The following BOK variants were observed in gnomAD, a reference collection of about 807,000 sequenced individuals.
The protein encoded by BOK is BCL2 family apoptosis regulator BOK.
A neutral mutation model predicts 18.3 loss-of-function variants in BOK; 20 were observed. The observed-to-expected ratio is 1.09, with a 90% confidence interval of 0.77 to 1.59. The LOEUF is 1.59. BOK is among the 40% of genes most tolerant of loss of function. BOK has a pLI of 0.00. For synonymous variants in BOK, 173 were observed against 142.4 expected, an observed-to-expected ratio of 1.21 and a Z score of -1.53; for missense variants, 348 against 307.9, an observed-to-expected ratio of 1.13 and a Z score of -0.97.
At chr2:241,565,908 T>A (rs1349265606) in intron 3 of BOK, among the ~76,000 whole-genome samples, 1 of 152,202 alleles carries the variant, frequency 6.6e-6, no homozygotes, top group East Asian at 1.9e-4. Flanking sequence ...TAGTGTTTAT[T>A]TTTTTCTTTG....
upstream of BOK, among the ~76,000 whole-genome samples, chr2:241,556,918 T>C (rs1238567677): frequency 3.3e-5 from 5 of 152,210 alleles, no homozygotes; most frequent in African/African-American, 1.2e-4. Context: ...TGCATTTAAT[T>C]GGTGTAGGAC....
In BOK at chr2:241,562,676, G is replaced by A. The variant is rs577339779; in HGVS notation, c.349+200G>A. On this transcript the variant is annotated intron_variant, in intron 3 of 4. Transcript: ENST00000318407. This position sits in a 1 kb window ranked among gnomAD's most constrained non-coding sequence, Gnocchi z 4.5. ...AACCACAGCATTCAGGGTCTCTTGT[G>A]GTTCTGCAGGCTGGTGGGCATGCTG... Among the ~76,000 whole-genome samples, 10 of 152,344 alleles carry A rather than the reference G, an allele frequency of 6.6e-5. No homozygotes were observed. The highest frequency in any genetic ancestry group is 4.6e-4 in the Admixed American group (7 of 15,306).
upstream of BOK, among the ~76,000 whole-genome samples, chr2:241,555,706 T>C (rs896365565): frequency 2.6e-5 from 4 of 152,214 alleles, no homozygotes; most frequent in Admixed American, 2.6e-4. Context: ...TCCTTACTGC[T>C]AGCAATGTTC....
rs139305538 is a variant in BOK, at chr2:241,565,701, G to A, written c.349+3225G>A. Among the ~76,000 whole-genome samples, 183 of 152,228 alleles carry A rather than the reference G, an allele frequency of 1.2e-3. 2 individuals carry two copies. Among genetic ancestry groups the A allele is most frequent in the African/African-American group, 3.8e-3 (157 of 41,546 alleles). On this transcript the variant is annotated intron_variant, in intron 3 of 4. Coordinates refer to ENST00000318407, the MANE Select transcript of BOK (RefSeq NM_032515.5). ...GGGGCCTTGGCTAGTGTTGTGAGCC[G>A]TGTGAGGGCTGCAGGGCAGGGCTCC...
chr2:241,556,415 T>G (rs1559197631), upstream of BOK, among the ~76,000 whole-genome samples: 1 of 152,086 alleles, frequency 6.6e-6, no homozygotes, highest in Non-Finnish European at 1.5e-5. Flanking sequence ...AAACCCCCTC[T>G]CTACCAAAAA....
rs2066477071 is a variant in BOK, at chr2:241,558,808, G to A, written c.-215G>A. 1 of 152,148 alleles carries A rather than the reference G, an allele frequency of 6.6e-6. No individual in the cohort carries two copies. Among genetic ancestry groups the A allele is most frequent in the African/African-American group, 2.4e-5 (1 of 41,420 alleles). 9.4% of individuals were successfully genotyped at this position (152,148 alleles called of 1,614,324 possible). ...GCCCAGGCCCCCGACGCCGCGGCAG[G>A]AGCCCCCCAAGAGCGCGGGAAGCCC... On this transcript the variant is annotated 5_prime_UTR_variant, in exon 1 of 5. Coordinates refer to ENST00000318407, the MANE Select transcript of BOK (RefSeq NM_032515.5).
At position 241,559,568 on chromosome 2, in the gene BOK, G is replaced by T. The variant is rs867525295; in HGVS notation, c.85G>T (p.Ala29Ser). 6.5e-7 allele frequency: 1 copy of T among 1,527,066 alleles called. No individual in the cohort carries two copies. The highest frequency in any genetic ancestry group is 8.7e-7 in the Non-Finnish European group (1 of 1,146,480). The allele number at this position is 1,527,066 out of a possible 1,614,324, so 94.6% of individuals were successfully genotyped here. The change falls in exon 2 of 5, where the codon GCC (alanine) becomes TCC (serine). Residue 29 changes from alanine (A) to serine (S), a missense_variant. Ala to Ser is a moderately conservative substitution (Grantham distance 99). Coordinates refer to ENST00000318407, the MANE Select transcript of BOK (RefSeq NM_032515.5). ...DRSPTDKELV[A>S]QAKALGREYV... ...CTCGCCCACAGACAAGGAGCTGGTG[G>T]CCCAGGCCAAGGCGCTGGGCCGGGA... is the stretch of plus-strand genomic sequence containing the variant.
At chr2:241,553,846 C>G (rs947470060), upstream of BOK, among the ~76,000 whole-genome samples, 3 of 152,186 alleles carry the variant, frequency 2.0e-5, no homozygotes, top group Non-Finnish European at 4.4e-5. Context: ...GTGGCCTCTA[C>G]CCCAAGGGGT....
At chr2:241,559,400 G>T (rs2066489149) in intron 1 of BOK, 55 bp from the exon 2 acceptor site, 2 of 1,162,348 alleles carry the variant, frequency 1.7e-6, no homozygotes, top group Non-Finnish European at 2.2e-6. Context: ...GGCGCCCCGC[G>T]CGCCCCGTTC....
In BOK at chr2:241,559,687, G is replaced by A. The variant is rs965262221; in HGVS notation, c.204G>A (p.Ala68=). Residue 68 remains alanine, a synonymous_variant, in exon 2 of 5, where the codon GCG becomes GCA. Transcript: ENST00000318407. ...PVPGRLAEVC[A]VLLRLGDELE... ...CGGGACGCCTGGCTGAGGTGTGCGCGGTGCTGCTGCGCCTGGGTGAGTGCG... is the reference window on the plus strand; with the variant it reads ...CGGGACGCCTGGCTGAGGTGTGCGCAGTGCTGCTGCGCCTGGGTGAGTGCG... 3 of 1,332,660 alleles carry A rather than the reference G, an allele frequency of 2.3e-6. No homozygotes were observed. Among genetic ancestry groups the A allele is most frequent in the South Asian group, 2.0e-5 (1 of 49,742 alleles). 82.6% of individuals were successfully genotyped at this position (1,332,660 alleles called of 1,614,324 possible). A position where few individuals can be genotyped will look rare whatever the true frequency, so the allele number is the denominator to read the frequency against.
chr2:241,562,759 G>A lies in BOK; in HGVS notation c.349+283G>A, dbSNP rs974941537. On this transcript the variant is annotated intron_variant, in intron 3 of 4. Coordinates refer to ENST00000318407, the MANE Select transcript of BOK (RefSeq NM_032515.5). This position sits in a 1 kb window ranked among gnomAD's most constrained non-coding sequence, Gnocchi z 4.5. ...GTTGTGGTCCAGCATCCGTGGGGCC[G>A]CGTGACCTGCAGTCCTGTGGGGTGG... Among the ~76,000 whole-genome samples the A allele has an allele frequency of 7.2e-5, 11 of 152,214 alleles. No individual in the cohort carries two copies. Among genetic ancestry groups the A allele is most frequent in the African/African-American group, 1.4e-4 (6 of 41,456 alleles).
intron 1 of BOK, among the ~76,000 whole-genome samples, chr2:241,553,502 C>T (rs2066428800): frequency 6.6e-6 from 1 of 152,160 alleles, no homozygotes; most frequent in African/African-American, 2.4e-5. Flanking sequence ...CACGGTTCCA[C>T]AGGCTGTACA....
At chr2:241,571,466 CGA>C (rs2066718076) in intron 4 of BOK, among the ~76,000 whole-genome samples, 2 of 152,156 alleles carry the variant, frequency 1.3e-5, no homozygotes, top group Non-Finnish European at 2.9e-5. Flanking sequence ...TTTAGCATCT[CGA>C]GAGATTGAGG....
chr2:241,560,362 C>G (rs2066508325), intron 2 of BOK: 1 of 904,224 alleles, frequency 1.1e-6, no homozygotes, highest in Admixed American at 6.2e-5. Context: ...TTATGTGATG[C>G]CCGAAGAGGG....
rs1559207627 is a variant in BOK at position 241,572,542 on chromosome 2, C to A, written c.*120C>A. On this transcript the variant is annotated 3_prime_UTR_variant, in exon 5 of 5. Transcript: ENST00000318407. ...CTGGAGCACTCTAACCCTCGGAGAC[C>A]CCCTAAGCCCCGTTCCTCCGCAGAC... 4.2e-6 allele frequency: 6 copies of A among 1,417,594 alleles called. No individual in the cohort carries two copies. The highest frequency in any genetic ancestry group is 5.6e-6 in the Non-Finnish European group (6 of 1,063,054). 87.8% of individuals were successfully genotyped at this position (1,417,594 alleles called of 1,614,324 possible). A position where few individuals can be genotyped will look rare whatever the true frequency, so the allele number is the denominator to read the frequency against.
intron 3 of BOK, among the ~76,000 whole-genome samples, chr2:241,568,554 AT>A (rs1270323223): frequency 6.6e-6 from 1 of 152,090 alleles, no homozygotes; most frequent in Non-Finnish European, 1.5e-5. Flanking sequence ...AGTAGCTGGG[AT>A]TACAGGCGCC....
At chr2:241,566,824 A>G (rs1305890168) in intron 3 of BOK, among the ~76,000 whole-genome samples, 2 of 134,438 alleles carry the variant, frequency 1.5e-5, no homozygotes, top group Non-Finnish European at 1.6e-5. Flanking sequence ...ACAGAAAGTA[A>G]GATGAGTGGC....
At chr2:241,556,311 G>A (rs560043569), upstream of BOK, among the ~76,000 whole-genome samples, 2 of 152,344 alleles carry the variant, frequency 1.3e-5, no homozygotes, top group East Asian at 1.9e-4. Flanking sequence ...CAGGCTGGGC[G>A]CTGTGGCTTA....
At chr2:241,552,280 A>G (rs1414389761) in intron 1 of BOK, among the ~76,000 whole-genome samples, 3 of 152,078 alleles carry the variant, frequency 2.0e-5, no homozygotes, top group Admixed American at 2.0e-4. Flanking sequence ...GCTCTGATCC[A>G]ACTCAGAATG....
Sources: gnomAD v4.1 joint callset for allele counts (sites outside exome capture counted in the v4.1 genomes callset) on GRCh38, gnomAD v4.1.1 for gene constraint, Gnocchi (gnomAD v3.1) non-coding constraint, MANE v1.5 for transcripts, NCBI Gene and HGNC (gene_info 2026-07-23, HGNC 2026-07-21) for gene names.